KIRREL3: variants seen among roughly 807,000 people sequenced by gnomAD.
KIRREL3 encodes kirre like nephrin family adhesion molecule 3, also known as kin of IRRE-like protein 3.
Under a neutral mutation model 89.7 loss-of-function variants are expected in KIRREL3, and 36 were observed. The observed-to-expected ratio is 0.40, with a 90% CI of 0.31 to 0.53. The LOEUF (loss-of-function observed/expected upper bound fraction) is 0.53. KIRREL3 is among the 20% of genes least tolerant of loss of function. The pLI is 0.49. For synonymous variants in KIRREL3, 445 were observed against 441.4 expected (o/e 1.01, Z -0.10); for missense variants, 864 against 1,056.6 (o/e 0.82, Z 2.53).
chr11:126,473,415 G>C lies in KIRREL3; in HGVS notation c.485C>G (p.Ala162Gly), dbSNP rs200090559. 1.9e-6 allele frequency: 3 copies of C among 1,583,128 alleles called. No homozygotes were observed. Among genetic ancestry groups the C allele is most frequent in the Non-Finnish European group, 2.6e-6 (3 of 1,161,124 alleles). The part of the protein sequence containing the change: ...ILGGPVISLR[A>G]GDPLNLTCHA... ...GCAGGTGAGGTTGAGAGGGTCCCCC[G>C]CACGCAGGCTGATCACAGGGCCCCC... The change falls in exon 5 of 17, where the codon GCG becomes GGG. Residue 162 changes from alanine to glycine, a missense_variant. Physicochemically the swap from Ala to Gly is moderately conservative, Grantham distance 60 (BLOSUM62 0). Coordinates refer to ENST00000525144, the MANE Select transcript of KIRREL3 (RefSeq NM_032531.4).
At chr11:126,450,474 C>A (rs1431346572) in intron 7 of KIRREL3, among the ~76,000 whole-genome samples, 2 of 130,354 alleles carry the variant, frequency 1.5e-5, no homozygotes, top group African/African-American at 6.1e-5. Context: ...TGAATGTGTG[C>A]ATGTGTGTGG....
Position 126,904,499 on chromosome 11 carries a change from A to T in KIRREL3, c.55+95956T>A, listed in dbSNP as rs1946496873. The stretch of plus-strand genomic sequence containing the variant: ...TATTTGGTCAGAAAATCTTTTATGA[A>T]TTAGAAGTCATTCCTAATAACATTT... On this transcript the variant is annotated intron_variant, in intron 1 of 16. Coordinates refer to ENST00000525144, the MANE Select transcript of KIRREL3 (RefSeq NM_032531.4). This position sits in a 1 kb window ranked among gnomAD's most constrained non-coding sequence, Gnocchi z 4.4. Among the ~76,000 whole-genome samples the T allele has an allele frequency of 6.6e-6, 1 of 152,218 alleles. No homozygotes were observed. The highest frequency in any genetic ancestry group is 2.4e-5 in the African/African-American group (1 of 41,452).
chr11:126,853,209 CCT>C (rs1382546541), intron 1 of KIRREL3, among the ~76,000 whole-genome samples: 3 of 152,158 alleles, frequency 2.0e-5, no homozygotes, highest in African/African-American at 7.2e-5. Context: ...GTCTCTCAAT[CCT>C]TCTACTAGCT....
chr11:126,725,420 A>G (rs1048325009), intron 1 of KIRREL3, among the ~76,000 whole-genome samples: 1 of 152,220 alleles, frequency 6.6e-6, no homozygotes, highest in Admixed American at 6.5e-5. Context: ...GGAAGCAGTC[A>G]TGGTTTGGAA....
chr11:126,745,248 C>T (rs1274792753), intron 1 of KIRREL3, among the ~76,000 whole-genome samples: 1 of 152,160 alleles, frequency 6.6e-6, no homozygotes, highest in Non-Finnish European at 1.5e-5. Context: ...AAGAAAACCA[C>T]TCTGAAATTG....
In KIRREL3 at chr11:126,844,115, C is replaced by T. The variant is rs1326949633; in HGVS notation, c.55+156340G>A. Among the ~76,000 whole-genome samples the T allele has an allele frequency of 1.3e-5, 2 of 152,158 alleles. No individual in the cohort carries two copies. Among genetic ancestry groups the T allele is most frequent in the Admixed American group, 6.5e-5 (1 of 15,284 alleles). On this transcript the variant is annotated intron_variant, in intron 1 of 16. Transcript: ENST00000525144. The surrounding 1 kb of genome is among the most constrained non-coding windows in gnomAD (Gnocchi z 4.8). ...CTCTTTTGGAGTCTGGATGGGGACC[C>T]CTTTCCAGTAACATCTTCCTGGTAA...
chr11:126,640,167 G>C lies in KIRREL3; in HGVS notation c.56-77255C>G, dbSNP rs1307835254. 6.6e-6 allele frequency among the ~76,000 whole-genome samples: 1 copy of C among 152,076 alleles called. No homozygotes were observed. The highest frequency in any genetic ancestry group is 1.5e-5 in the Non-Finnish European group (1 of 68,016). On this transcript the variant is annotated intron_variant, in intron 1 of 16. Coordinates refer to ENST00000525144, the MANE Select transcript of KIRREL3 (RefSeq NM_032531.4). This position sits in a 1 kb window ranked among gnomAD's most constrained non-coding sequence, Gnocchi z 4.9. ...AGGCATAGAAGCTCTATGATTTTCTGTCTATCTCACTCACCCTTCAGCTGG... is the reference window on the plus strand; with the variant it reads ...AGGCATAGAAGCTCTATGATTTTCTCTCTATCTCACTCACCCTTCAGCTGG...
rs1948530082 is a variant in KIRREL3, at chr11:126,943,702, C to T, written c.55+56753G>A. Among the ~76,000 whole-genome samples, 1 of 152,182 alleles carries T rather than the reference C, an allele frequency of 6.6e-6. No individual in the cohort carries two copies. The highest frequency in any genetic ancestry group is 2.1e-4 in the South Asian group (1 of 4,836). ...ACTGATGTGAGGGGTCAAGGGCAGG[C>T]TTTGCCTCCAGGGAGGCATTAAAGG... On this transcript the variant is annotated intron_variant, in intron 1 of 16. Coordinates refer to ENST00000525144, the MANE Select transcript of KIRREL3 (RefSeq NM_032531.4). This position sits in a 1 kb window ranked among gnomAD's most constrained non-coding sequence, Gnocchi z 4.2.
intron 1 of KIRREL3, among the ~76,000 whole-genome samples, chr11:126,859,512 G>A (rs1244372063): frequency 6.6e-6 from 1 of 152,166 alleles, no homozygotes; most frequent in East Asian, 1.9e-4. Context: ...GAGGAAGCCA[G>A]GCCAATAGGA....
At chr11:126,425,109 A>T in intron 16 of KIRREL3, 86 bp from the exon 17 acceptor site, 2 of 1,275,072 alleles carry the variant, frequency 1.6e-6, no homozygotes, top group Non-Finnish European at 1.1e-6. Context: ...CCGTCCCCTT[A>T]TGCGGGGAGG....
intron 1 of KIRREL3, among the ~76,000 whole-genome samples, chr11:126,800,964 A>G (rs1951013513): frequency 6.6e-6 from 1 of 152,168 alleles, no homozygotes; most frequent in South Asian, 2.1e-4. Context: ...GGACAGGGAC[A>G]TTTAGGAGTG....
rs566536812 is a variant in KIRREL3 at position 126,906,816 on chromosome 11, T to C, written c.55+93639A>G. The stretch of plus-strand genomic sequence containing the variant: ...TTCTTCCTGGGACGTCTGCTCTGCC[T>C]CCTGAAAGGATGGCTTTGCCTTTCT... On this transcript the variant is annotated intron_variant, in intron 1 of 16. Transcript: ENST00000525144. This position sits in a 1 kb window ranked among gnomAD's most constrained non-coding sequence, Gnocchi z 4.1. Among the ~76,000 whole-genome samples, 6 of 152,326 alleles carry C rather than the reference T, an allele frequency of 3.9e-5. No individual in the cohort carries two copies. The highest frequency in any genetic ancestry group is 1.4e-4 in the African/African-American group (6 of 41,584).
At chr11:126,732,810 GA>G (rs1218686441) in intron 1 of KIRREL3, among the ~76,000 whole-genome samples, 2 of 152,238 alleles carry the variant, frequency 1.3e-5, no homozygotes, top group Non-Finnish European at 2.9e-5. Flanking sequence ...CTGCAGAGTG[GA>G]AAAGGCCAGG....
In KIRREL3 at chr11:126,557,064, G is replaced by A. The variant is rs1399743874; in HGVS notation, c.133+5771C>T. 2.6e-5 allele frequency among the ~76,000 whole-genome samples: 4 copies of A among 152,168 alleles called. No homozygotes were observed. The highest frequency in any genetic ancestry group is 1.9e-4 in the East Asian group (1 of 5,192). ...GGAAAATGACTGTGGCCCTTAGCGC[G>A]AGCCAGACTGTACGGCTGCAACAGA... is the stretch of plus-strand genomic sequence containing the variant. On this transcript the variant is annotated intron_variant, in intron 2 of 16. Coordinates refer to ENST00000525144, the MANE Select transcript of KIRREL3 (RefSeq NM_032531.4). The surrounding 1 kb of genome is among the most constrained non-coding windows in gnomAD (Gnocchi z 5.6).
rs1200770997 is a variant in KIRREL3 at position 126,578,575 on chromosome 11, G to A, written c.56-15663C>T. On this transcript the variant is annotated intron_variant, in intron 1 of 16. Transcript: ENST00000525144. This position sits in a 1 kb window ranked among gnomAD's most constrained non-coding sequence, Gnocchi z 4.9. ...TGTGAACAGTAAGTATCATGAATGT[G>A]TGACAGCATGTGGGGCACGTGGGTG... is the stretch of plus-strand genomic sequence containing the variant. 6.6e-6 allele frequency among the ~76,000 whole-genome samples: 1 copy of A among 152,176 alleles called. No individual in the cohort carries two copies. Among genetic ancestry groups the A allele is most frequent in the Non-Finnish European group, 1.5e-5 (1 of 68,032 alleles).
At chr11:126,949,723 A>G (rs981468388) in intron 1 of KIRREL3, among the ~76,000 whole-genome samples, 1 of 152,204 alleles carries the variant, frequency 6.6e-6, no homozygotes, top group Non-Finnish European at 1.5e-5. Context: ...TTCCCAAAAT[A>G]AAATTCAGTG....
chr11:126,739,563 C>G lies in KIRREL3; in HGVS notation c.56-176651G>C, dbSNP rs1948911959. On this transcript the variant is annotated intron_variant, in intron 1 of 16. Transcript: ENST00000525144. The surrounding 1 kb of genome is among the most constrained non-coding windows in gnomAD (Gnocchi z 5.5). ...CAGCTGGTGCTGACAGTGGCCTGTTCATACTCTTCCTGAAGGTATGTCACC... is the reference window on the plus strand; with the variant it reads ...CAGCTGGTGCTGACAGTGGCCTGTTGATACTCTTCCTGAAGGTATGTCACC... Among the ~76,000 whole-genome samples, 1 of 152,168 alleles carries G rather than the reference C, an allele frequency of 6.6e-6. No individual in the cohort carries two copies. Among genetic ancestry groups the G allele is most frequent in the African/African-American group, 2.4e-5 (1 of 41,444 alleles).
chr11:126,663,493 T>C (rs940409944), intron 1 of KIRREL3, among the ~76,000 whole-genome samples: 1 of 152,194 alleles, frequency 6.6e-6, no homozygotes, highest in Non-Finnish European at 1.5e-5. Context: ...AAGCTTTTGA[T>C]AGTTTATCTC....
intron 1 of KIRREL3, among the ~76,000 whole-genome samples, chr11:126,851,755 G>C (rs1376884595): frequency 6.6e-6 from 1 of 152,210 alleles, no homozygotes; most frequent in Non-Finnish European, 1.5e-5. Context: ...CATCCTGGCA[G>C]GGAGGCAAGC....
Sources: gnomAD v4.1 joint callset for allele counts (sites outside exome capture counted in the v4.1 genomes callset) on GRCh38, gnomAD v4.1.1 for gene constraint, Gnocchi (gnomAD v3.1) non-coding constraint, MANE v1.5 for transcripts, NCBI Gene and HGNC (gene_info 2026-07-23, HGNC 2026-07-21) for gene names.